The following C1orf159 variants were observed in gnomAD, a reference collection of about 807,000 sequenced individuals.
C1orf159 encodes chromosome 1 open reading frame 159.
A neutral mutation model predicts 25.6 loss-of-function variants in C1orf159; 19 were observed. That is an observed-to-expected ratio of 0.74 (90% CI 0.52 to 1.09). The LOEUF is 1.09. C1orf159 is among the 50% of genes least tolerant of loss of function. The pLI is 0.00. For synonymous variants in C1orf159, 139 were observed against 124.7 expected (o/e 1.12, Z -0.77); for missense variants, 274 against 290.6 (o/e 0.94, Z 0.42).
chr1:1,084,530 C>T (rs1443824267), intron 7 of C1orf159, 24 bp from the exon 8 acceptor site: 2 of 1,550,132 alleles, frequency 1.3e-6, no homozygotes, highest in African/African-American at 2.7e-5. Context: ...AGCGGAGAGT[C>T]ACCCTGGAGC....
In C1orf159 at chr1:1,110,628, C is replaced by T. The variant is rs377110238; in HGVS notation, c.-136+5432G>A. 1.3e-5 allele frequency among the ~76,000 whole-genome samples: 2 copies of T among 151,354 alleles called. No homozygotes were observed. Among genetic ancestry groups the T allele is most frequent in the East Asian group, 1.9e-4 (1 of 5,202 alleles). On this transcript the variant is annotated intron_variant, in intron 1 of 9. Transcript: ENST00000421241. The surrounding 1 kb of genome is among the most constrained non-coding windows in gnomAD (Gnocchi z 4.8). ...TCTCGGCTGTGGGGACACACAGAAC[C>T]GCTGGGACTTCCACACCTGGGATGC...
At chr1:1,086,072 C>T in intron 6 of C1orf159, 60 bp from the exon 7 acceptor site, 4 of 1,583,280 alleles carry the variant, frequency 2.5e-6, no homozygotes, top group Non-Finnish European at 3.4e-6. Context: ...CTCGCCTGGC[C>T]CCCGGTGCCC....
At chr1:1,113,509 C>T (rs1438464125) in intron 1 of C1orf159, among the ~76,000 whole-genome samples, 2 of 152,164 alleles carry the variant, frequency 1.3e-5, no homozygotes, top group African/African-American at 4.8e-5. Context: ...CCTCCTGCCT[C>T]AGTCCCTCGA....
At chr1:1,093,906 T>C (rs1248258969) in intron 1 of C1orf159, among the ~76,000 whole-genome samples, 2 of 152,184 alleles carry the variant, frequency 1.3e-5, no homozygotes, top group Non-Finnish European at 2.9e-5. Flanking sequence ...ACTGGCGATG[T>C]GGGTGCACGC....
chr1:1,106,163 C>G (rs528141916), intron 1 of C1orf159: 1 of 152,278 alleles, frequency 6.6e-6, no homozygotes, highest in African/African-American at 2.4e-5. Flanking sequence ...CAGGGAAAAG[C>G]AGGTGGAAAA....
chr1:1,087,408 C>T lies in C1orf159; in HGVS notation c.244+94G>A. The stretch of plus-strand genomic sequence containing the variant: ...GGCTGTTCCCCAGTGGACAGTGGCT[C>T]TGGGGCAAGGTGGGGACACAGACAG... On this transcript the variant is annotated intron_variant, in intron 5 of 9. Transcript: ENST00000421241. The surrounding 1 kb of genome is among the most constrained non-coding windows in gnomAD (Gnocchi z 8.3). The T allele has an allele frequency of 7.6e-7, 1 of 1,309,024 alleles. No homozygotes were observed. The highest frequency in any genetic ancestry group is 1.0e-6 in the Non-Finnish European group (1 of 954,556). 81.1% of individuals were successfully genotyped at this position (1,309,024 alleles called of 1,614,324 possible).
intron 1 of C1orf159, among the ~76,000 whole-genome samples, chr1:1,109,033 GGCA>G (rs1276442578): frequency 3.1e-4 from 31 of 101,228 alleles, no homozygotes; most frequent in African/African-American, 1.3e-3. Flanking sequence ...ACCATGTCTC[GGCA>G]GCACCGTTCA....
chr1:1,097,040 T>C (rs1646017453), intron 1 of C1orf159, among the ~76,000 whole-genome samples: 1 of 151,240 alleles, frequency 6.6e-6, no homozygotes, highest in Non-Finnish European at 1.5e-5. Context: ...GAGATGGCAA[T>C]AGTCTATTAC....
intron 1 of C1orf159, among the ~76,000 whole-genome samples, chr1:1,099,092 G>T (rs549140997): frequency 1.6e-5 from 2 of 128,244 alleles, no homozygotes; most frequent in Non-Finnish European, 1.6e-5. Flanking sequence ...TCTAAGAATC[G>T]GAGAGAGAGA....
At chr1:1,099,541 C>T (rs915515569) in intron 1 of C1orf159, among the ~76,000 whole-genome samples, 4 of 148,144 alleles carry the variant, frequency 2.7e-5, no homozygotes, top group Non-Finnish European at 6.0e-5. Context: ...GTCTATTGTT[C>T]TAAGAAATGG....
intron 7 of C1orf159, 44 bp from the exon 8 acceptor site, chr1:1,084,550 G>GC (rs1645799050): frequency 6.5e-7 from 1 of 1,548,384 alleles, no homozygotes; most frequent in Admixed American, 2.0e-5. Context: ...CCCAGGAGCT[G>GC]CCTCAACCTC....
chr1:1,102,597 C>T (rs1282575282), intron 1 of C1orf159, among the ~76,000 whole-genome samples: 3 of 117,372 alleles, frequency 2.6e-5, no homozygotes, highest in Non-Finnish European at 5.0e-5. Context: ...GCCAACATAG[C>T]GAAACCCTGT....
intron 1 of C1orf159, among the ~76,000 whole-genome samples, chr1:1,099,863 G>C (rs567121406): frequency 6.7e-5 from 10 of 148,724 alleles, no homozygotes; most frequent in Admixed American, 2.7e-4. Flanking sequence ...GAATTGGAGA[G>C]AGAGAGGTTA....
chr1:1,108,608 C>G (rs1646212292), intron 1 of C1orf159, among the ~76,000 whole-genome samples: 1 of 134,072 alleles, frequency 7.5e-6, no homozygotes, highest in Admixed American at 7.5e-5. Flanking sequence ...CGGCACCGTT[C>G]ACCACAGCCA....
rs1324388987 is a variant in C1orf159, at chr1:1,087,407, T to C, written c.244+95A>G. On this transcript the variant is annotated intron_variant, in intron 5 of 9. Coordinates refer to ENST00000421241, the MANE Select transcript of C1orf159 (RefSeq NM_017891.5). This position sits in a 1 kb window ranked among gnomAD's most constrained non-coding sequence, Gnocchi z 8.3. ...GGGCTGTTCCCCAGTGGACAGTGGC[T>C]CTGGGGCAAGGTGGGGACACAGACA... 7.8e-7 allele frequency: 1 copy of C among 1,289,744 alleles called. No individual in the cohort carries two copies. The highest frequency in any genetic ancestry group is 1.1e-6 in the Non-Finnish European group (1 of 937,390). 79.9% of individuals were successfully genotyped at this position (1,289,744 alleles called of 1,614,324 possible).
At chr1:1,086,060 T>C in intron 6 of C1orf159, 48 bp from the exon 7 acceptor site, 1 of 1,602,374 alleles carries the variant, frequency 6.2e-7, no homozygotes, top group South Asian at 1.1e-5. Context: ...TGGCCCTGGC[T>C]CCTCGCCTGG....
At chr1:1,088,452 C>A (rs572613404) in intron 4 of C1orf159, among the ~76,000 whole-genome samples, 1 of 147,656 alleles carries the variant, frequency 6.8e-6, no homozygotes, top group African/African-American at 2.5e-5. Flanking sequence ...CAGCCTCCTG[C>A]CCCAAGCTGA....
Position 1,084,367 on chromosome 1 carries a change from G to A in C1orf159, c.488C>T (p.Pro163Leu), listed in dbSNP as rs760208878. ...QPGEAAAMIP[P>L]PQSSVRKPRY... ...GCTGCTGTTACCTGAGGACTGTGGC[G>A]GGGGGATCATTGCAGCCTTGAAAAG... Residue 163 changes from proline (P) to leucine (L), a missense_variant, in exon 9 of 10, where the codon CCG becomes CTG. By Grantham distance (98) the Pro-to-Leu change is moderately conservative. Transcript: ENST00000421241. The A allele has an allele frequency of 3.5e-5, 54 of 1,564,868 alleles. No homozygotes were observed. In the Admixed American group the frequency reaches 6.6e-4, roughly 19 times the overall value.
intron 1 of C1orf159, among the ~76,000 whole-genome samples, chr1:1,112,706 G>A (rs1646279309): frequency 1.3e-5 from 2 of 152,256 alleles, no homozygotes. Context: ...CTGCATGGGT[G>A]GACAGCCCAC....
Sources: allele counts gnomAD v4.1 joint callset (sites outside exome capture counted in the v4.1 genomes callset), GRCh38; gene constraint gnomAD v4.1.1; non-coding constraint Gnocchi (gnomAD v3.1); transcripts MANE v1.5; gene names NCBI Gene and HGNC (gene_info 2026-07-23, HGNC 2026-07-21).